The following NXPE1 variants were observed in gnomAD, a reference collection of about 807,000 sequenced individuals.
NXPE1 encodes the protein NXPE family member 1.
Under a neutral mutation model 33.3 loss-of-function variants are expected in NXPE1, and 31 were observed. The ratio of observed to expected loss-of-function variants is 0.93; its 90% CI spans 0.70 to 1.26. The LOEUF is 1.26. Ranked by LOEUF, NXPE1 falls within the 50% of genes most tolerant of loss-of-function variation. NXPE1 has a pLI of 0.00. For synonymous variants in NXPE1, 229 were observed against 231.4 expected (o/e 0.99, Z 0.09); for missense variants, 661 against 655.6 (o/e 1.01, Z -0.09).
chr11:114,529,315 T>C (rs768574582), intron 6 of NXPE1: 1 of 152,744 alleles, frequency 6.5e-6, no homozygotes, highest in Non-Finnish European at 1.5e-5. Context: ...ATAGAAGTCT[T>C]AGGGCTTGGC....
downstream of NXPE1, among the ~76,000 whole-genome samples, chr11:114,519,667 A>G (rs1432572527): frequency 6.6e-6 from 1 of 152,170 alleles, no homozygotes; most frequent in Non-Finnish European, 1.5e-5. Flanking sequence ...CATTCTAGTC[A>G]GAAGGAGCAG....
intron 5 of NXPE1, among the ~76,000 whole-genome samples, chr11:114,549,135 G>A (rs1948379932): frequency 6.6e-6 from 1 of 151,864 alleles, no homozygotes; most frequent in Non-Finnish European, 1.5e-5. Context: ...AAGTAGCAGA[G>A]CACTGCTACT....
intron 5 of NXPE1, among the ~76,000 whole-genome samples, chr11:114,547,358 C>G (rs1205692301): frequency 6.6e-6 from 1 of 152,160 alleles, no homozygotes; most frequent in Non-Finnish European, 1.5e-5. Context: ...CATGGAAGGA[C>G]AGTTTACAAA....
At position 114,552,102 on chromosome 11, in the gene NXPE1, G is replaced by A. The variant is rs1049123551; in HGVS notation, c.-181-17C>T. The A allele has an allele frequency of 9.2e-5, 14 of 152,182 alleles. No individual in the cohort carries two copies. Among genetic ancestry groups the A allele is most frequent in the Non-Finnish European group, 1.8e-4 (12 of 68,034 alleles). The allele number at this position is 152,182 out of a possible 1,614,324, so 9.4% of individuals were successfully genotyped here. A position where few individuals can be genotyped will look rare whatever the true frequency, so the allele number is the denominator to read the frequency against. ...ATTTAGATACTTCACAGGCAAAATG[G>A]AAGTGAGAGAACAAAGGATCAGTTT... On this transcript the variant is annotated splice_polypyrimidine_tract_variant and intron_variant, in intron 2 of 8. Coordinates refer to ENST00000534921, the Ensembl canonical transcript of NXPE1.
At chr11:114,554,382 C>T in intron 1 of NXPE1, 1 of 985,166 alleles carries the variant, frequency 1.0e-6, no homozygotes, top group Non-Finnish European at 1.2e-6. Context: ...GCTTAGACCA[C>T]AGAGGTGATG....
chr11:114,522,082 G>C (rs765591762), exon 9 of NXPE1: 1 of 1,613,826 alleles, frequency 6.2e-7, no homozygotes, highest in Non-Finnish European at 8.5e-7. Flanking sequence ...TGATGCCCAC[G>C]TTGAGGTCTT....
chr11:114,553,983 A>C (rs1948589829), intron 1 of NXPE1: 1 of 985,324 alleles, frequency 1.0e-6, no homozygotes, highest in African/African-American at 1.7e-5. Context: ...GGAATCTCAA[A>C]GTCAACTTGT....
At chr11:114,550,425 T>C (rs931017549) in intron 5 of NXPE1, among the ~76,000 whole-genome samples, 2 of 152,152 alleles carry the variant, frequency 1.3e-5, no homozygotes, top group Admixed American at 6.6e-5. Flanking sequence ...CCTCATTATA[T>C]ATACAAATTT....
At chr11:114,539,696 G>A (rs1203952635) in intron 5 of NXPE1, among the ~76,000 whole-genome samples, 1 of 151,766 alleles carries the variant, frequency 6.6e-6, no homozygotes, top group Non-Finnish European at 1.5e-5. Flanking sequence ...TTTATAAAGA[G>A]GAACTATTTA....
chr11:114,534,621 A>AG (rs1947724097), intron 5 of NXPE1, among the ~76,000 whole-genome samples: 1 of 152,258 alleles, frequency 6.6e-6, no homozygotes, highest in Admixed American at 6.5e-5. Flanking sequence ...CCACAGCACG[A>AG]GAGCTACGTG....
Position 114,555,918 on chromosome 11 carries a change from T to G in NXPE1, c.-210-3038A>C, listed in dbSNP as rs534352761. Among the ~76,000 whole-genome samples, 5 of 152,348 alleles carry G rather than the reference T, an allele frequency of 3.3e-5. No individual in the cohort carries two copies. The South Asian group carries it at 6.2e-4, about 19-fold the overall frequency. On this transcript the variant is annotated intron_variant, in intron 1 of 8. Transcript: ENST00000534921. ...TATCTATTCCTCATTTGATAAATAT[T>G]TGGGTTGTTTAAAGATTGGGGCTAT...
intron 1 of NXPE1, chr11:114,553,718 A>G: frequency 3.0e-6 from 3 of 985,376 alleles, no homozygotes; most frequent in Non-Finnish European, 3.6e-6. Context: ...TGAGCTCTGC[A>G]TATCCCAGTG....
intron 6 of NXPE1, chr11:114,528,759 G>T: frequency 1.6e-6 from 1 of 623,244 alleles, no homozygotes; most frequent in Non-Finnish European, 3.0e-6. Context: ...GGGAGAATGA[G>T]GACCCAGGTG....
At chr11:114,519,606 G>C (rs1444616149), downstream of NXPE1, among the ~76,000 whole-genome samples, 2 of 152,046 alleles carry the variant, frequency 1.3e-5, no homozygotes, top group Non-Finnish European at 2.9e-5. Context: ...AATTCAATCT[G>C]GTTTTAAAGG....
At chr11:114,554,140 G>A in intron 1 of NXPE1, 1 of 985,410 alleles carries the variant, frequency 1.0e-6, no homozygotes, top group Non-Finnish European at 1.2e-6. Context: ...TCCTCAGACA[G>A]GATTGAATCA....
At chr11:114,524,094 T>C (rs1591252875) in intron 7 of NXPE1, among the ~76,000 whole-genome samples, 1 of 151,976 alleles carries the variant, frequency 6.6e-6, no homozygotes, top group African/African-American at 2.4e-5. Flanking sequence ...CTAACTTGGC[T>C]CTTGCTGTTC....
chr11:114,524,926 T>C (rs1226059242), intron 7 of NXPE1, among the ~76,000 whole-genome samples: 3 of 152,216 alleles, frequency 2.0e-5, no homozygotes, highest in Non-Finnish European at 2.9e-5. Context: ...TAGATGCTAA[T>C]CTGCTATGTT....
downstream of NXPE1, among the ~76,000 whole-genome samples, chr11:114,519,592 AAAT>A (rs1240689572): frequency 3.9e-5 from 6 of 152,166 alleles, no homozygotes; most frequent in African/African-American, 1.4e-4. Flanking sequence ...TCACAGAAGA[AAAT>A]AATTCAATCT....
chr11:114,532,367 A>G (rs1267847318), intron 5 of NXPE1, among the ~76,000 whole-genome samples: 1 of 152,204 alleles, frequency 6.6e-6, no homozygotes, highest in African/African-American at 2.4e-5. Context: ...TCTCTGGAAA[A>G]TATATATCTG....
Sources: allele counts gnomAD v4.1 joint callset (sites outside exome capture counted in the v4.1 genomes callset), GRCh38; gene constraint gnomAD v4.1.1; transcripts MANE v1.5; gene names NCBI Gene and HGNC (gene_info 2026-07-23, HGNC 2026-07-21).